PCLO: variants seen among roughly 807,000 people sequenced by gnomAD.
PCLO encodes the protein protein piccolo.
A neutral mutation model predicts 427.5 loss-of-function variants in PCLO; 82 were observed. The observed-to-expected ratio is 0.19, with a 90% CI of 0.16 to 0.23. The LOEUF (loss-of-function observed/expected upper bound fraction) is 0.23, where lower values mean the gene tolerates loss of function less well. PCLO is among the 10% of genes least tolerant of loss of function. The pLI is 1.00. For missense variants in PCLO, 6,239 were observed against 6,115.9 expected (o/e 1.02, Z -0.67); for synonymous variants, 2,357 against 2,155.4 (o/e 1.09, Z -2.59).
rs1422899680 is a variant in PCLO, at chr7:82,794,470, T to C, written c.15007+7048A>G. Among the ~76,000 whole-genome samples the C allele has an allele frequency of 2.3e-3, 224 of 95,476 alleles. 4 individuals are homozygous for C. The highest frequency in any genetic ancestry group is 3.2e-3 in the Non-Finnish European group (154 of 48,726). 62.6% of individuals were successfully genotyped at this position (95,476 alleles called of 152,430 possible). On this transcript the variant is annotated intron_variant, in intron 22 of 24. Coordinates refer to ENST00000333891, the MANE Select transcript of PCLO (RefSeq NM_033026.6). ...CATAAATTTTTTTTCTTTTTTTTTTTTTTTTTTTTTTTTTTTTTTGAGACA... is the reference window on the plus strand; with the variant it reads ...CATAAATTTTTTTTCTTTTTTTTTTCTTTTTTTTTTTTTTTTTTTGAGACA...
intron 9 of PCLO, among the ~76,000 whole-genome samples, chr7:82,894,731 C>T (rs1357327030): frequency 6.6e-6 from 1 of 151,918 alleles, no homozygotes; most frequent in Non-Finnish European, 1.5e-5. Context: ...TTCTATCAGA[C>T]AGGGCAGGGT....
At chr7:82,885,801 A>T (rs76004565) in intron 9 of PCLO, among the ~76,000 whole-genome samples, 1 of 151,862 alleles carries the variant, frequency 6.6e-6, no homozygotes. Context: ...AAAAAAAAAA[A>T]GCCCTGCATT....
chr7:83,095,612 T>A (rs1790514396), intron 3 of PCLO, among the ~76,000 whole-genome samples: 1 of 151,948 alleles, frequency 6.6e-6, no homozygotes, highest in Admixed American at 6.6e-5. Context: ...CTCCACAAAT[T>A]TTTATATGTT....
chr7:82,883,625 C>A (rs1562835627), intron 9 of PCLO, among the ~76,000 whole-genome samples: 1 of 152,116 alleles, frequency 6.6e-6, no homozygotes, highest in African/African-American at 2.4e-5. Context: ...ACAGAAACAG[C>A]ACACTCATGC....
intron 9 of PCLO, chr7:82,880,424 T>G (rs1275642203): frequency 2.4e-6 from 1 of 410,036 alleles, no homozygotes; most frequent in Non-Finnish European, 5.0e-6. Context: ...TTTTATCTTT[T>G]GTAGAGACAA....
chr7:82,951,932 A>G lies in PCLO; in HGVS notation c.9021T>C (p.Tyr3007=). ...TNLAEAGHFF[Y]KSKNAFDYSE... Reference sequence around the variant, plus strand: ...AATAATCAAAAGCATTCTTACTTTTATAGAAAAAATGTCCAGCTTCTGCTA... The same window carrying G: ...AATAATCAAAAGCATTCTTACTTTTGTAGAAAAAATGTCCAGCTTCTGCTA... The change falls in exon 5 of 25, where the codon TAT becomes TAC. Residue 3007 remains tyrosine (Y), a synonymous_variant. Transcript: ENST00000333891. 1 of 1,613,928 alleles carries G rather than the reference A, an allele frequency of 6.2e-7. No homozygotes were observed. Among genetic ancestry groups the G allele is most frequent in the Non-Finnish European group, 8.5e-7 (1 of 1,179,842 alleles).
chr7:82,845,174 G>T, intron 13 of PCLO, 97 bp downstream of exon 13: 1 of 871,854 alleles, frequency 1.1e-6, no homozygotes, highest in Non-Finnish European at 1.8e-6. Flanking sequence ...GAAATCATAA[G>T]AAAAATACTT....
intron 20 of PCLO, chr7:82,820,691 TAA>T (rs1435009444): frequency 8.1e-7 from 1 of 1,230,648 alleles, no homozygotes; most frequent in Non-Finnish European, 1.0e-6. Context: ...ACTAAATTTT[TAA>T]AAGTTACACT....
At chr7:83,083,170 T>G (rs181115686) in intron 3 of PCLO, among the ~76,000 whole-genome samples, 20 of 152,108 alleles carry the variant, frequency 1.3e-4, no homozygotes, top group Non-Finnish European at 2.4e-4. Flanking sequence ...AAATGTTTAT[T>G]GAGAAATATG....
At chr7:82,930,367 T>C (rs917027122) in intron 6 of PCLO, among the ~76,000 whole-genome samples, 2 of 152,140 alleles carry the variant, frequency 1.3e-5, no homozygotes, top group Non-Finnish European at 2.9e-5. Context: ...TTGAATGTCA[T>C]GCAAATTTTA....
intron 3 of PCLO, among the ~76,000 whole-genome samples, chr7:83,099,395 T>G (rs567014056): frequency 1.3e-3 from 197 of 150,732 alleles, no homozygotes; most frequent in Middle Eastern, 3.4e-3. Flanking sequence ...TTTTTTGTTT[T>G]TTTTTTTTTT....
chr7:82,888,028 C>T (rs930588753), intron 9 of PCLO, among the ~76,000 whole-genome samples: 10 of 151,734 alleles, frequency 6.6e-5, no homozygotes, highest in Admixed American at 6.6e-5. Context: ...TGAGATTGCG[C>T]CACTGCACTC....
At chr7:82,851,561 G>A (rs918344383) in intron 10 of PCLO, among the ~76,000 whole-genome samples, 8 of 151,452 alleles carry the variant, frequency 5.3e-5, no homozygotes, top group African/African-American at 1.9e-4. Context: ...AAATGAATGT[G>A]TTAATAAATG....
rs1186986180 is a variant in PCLO at position 82,954,748 on chromosome 7, T to G, written c.6205A>C (p.Met2069Leu). ...LDADAAYEELMKRQQMQLTPG... is the reference protein window; with the variant it reads ...LDADAAYEELLKRQQMQLTPG... Reference sequence around the variant, plus strand: ...GTTAATTGCATCTGTTGCCTCTTCATAAGTTCTTCATAGGCAGCATCAGCA... The same window carrying G: ...GTTAATTGCATCTGTTGCCTCTTCAGAAGTTCTTCATAGGCAGCATCAGCA... The change falls in exon 5 of 25, where the codon ATG becomes CTG. Residue 2069 changes from methionine to leucine, a missense_variant. Transcript: ENST00000333891. The G allele has an allele frequency of 6.2e-7, 1 of 1,613,910 alleles. No individual in the cohort carries two copies. The highest frequency in any genetic ancestry group is 1.3e-5 in the African/African-American group (1 of 75,052).
At chr7:83,099,237 C>T (rs547895246) in intron 3 of PCLO, among the ~76,000 whole-genome samples, 5 of 137,470 alleles carry the variant, frequency 3.6e-5, no homozygotes, top group Admixed American at 1.5e-4. Flanking sequence ...AGTGGAGGCA[C>T]GCAGAGTGGA....
intron 3 of PCLO, among the ~76,000 whole-genome samples, chr7:82,992,650 T>C (rs1796404674): frequency 6.6e-6 from 1 of 151,930 alleles, no homozygotes; most frequent in Admixed American, 6.6e-5. Context: ...CATGCGGGGC[T>C]TAAAACCTAG....
At chr7:83,026,438 G>C (rs1320840355) in intron 3 of PCLO, among the ~76,000 whole-genome samples, 12 of 151,594 alleles carry the variant, frequency 7.9e-5, no homozygotes, top group Non-Finnish European at 1.6e-4. Flanking sequence ...AATACAGGAG[G>C]ACCCAGATTC....
rs554356201 is a variant in PCLO at position 82,933,016 on chromosome 7, G to A, written c.11113-16143C>T. ...TATTCTGACAAGTTCTCCCTGAAGA[G>A]ACAGTTAGTTGGTACATTCTCCATT... On this transcript the variant is annotated intron_variant, in intron 6 of 24. Transcript: ENST00000333891. 3.4e-4 allele frequency among the ~76,000 whole-genome samples: 51 copies of A among 152,102 alleles called. 1 individual carries two copies. The highest frequency in any genetic ancestry group is 1.5e-3 in the South Asian group (7 of 4,824).
chr7:82,820,651 T>C, intron 20 of PCLO: 1 of 1,230,784 alleles, frequency 8.1e-7, no homozygotes, highest in Non-Finnish European at 1.0e-6. Flanking sequence ...CAATTTTTCC[T>C]TTACTTTCCT....
Sources: gnomAD v4.1 joint callset for allele counts (sites outside exome capture counted in the v4.1 genomes callset) on GRCh38, gnomAD v4.1.1 for gene constraint, MANE v1.5 for transcripts, NCBI Gene and HGNC (gene_info 2026-07-23, HGNC 2026-07-21) for gene names.